PRPF39: variants seen among roughly 807,000 people sequenced by gnomAD.
The protein encoded by PRPF39 is pre-mRNA-processing factor 39.
A neutral mutation model predicts 82.1 loss-of-function variants in PRPF39; 27 were observed. That is an observed-to-expected ratio of 0.33 (90% CI 0.24 to 0.45). PRPF39 has a LOEUF of 0.45. PRPF39 is among the 20% of genes least tolerant of loss of function. The probability of loss-of-function intolerance (pLI) is 1.00; values close to 1 mark genes in which losing one functional copy is unlikely to be tolerated. For missense variants in PRPF39, 581 were observed against 796.9 expected (o/e 0.73, Z 3.26); for synonymous variants, 261 against 256.4 (o/e 1.02, Z -0.17).
Position 45,110,632 on chromosome 14 carries a change from A to G in PRPF39, c.1387A>G (p.Ser463Gly). The G allele has an allele frequency of 1.3e-6, 2 of 1,575,646 alleles. No homozygotes were observed. Among genetic ancestry groups the G allele is most frequent in the Non-Finnish European group, 8.6e-7 (1 of 1,159,154 alleles). ...GLAMVRLRRV[S>G]LERRHGNLEE... is the part of the protein sequence containing the mutation. The stretch of plus-strand genomic sequence containing the variant: ...GGCAATGGTTCGTTTACGAAGAGTA[A>G]GTTTAGAACGACGGCATGGAAATCT... Residue 463 changes from serine to glycine, a missense_variant, in exon 10 of 14, where the codon AGT becomes GGT. Coordinates refer to ENST00000355765, the MANE Select transcript of PRPF39 (RefSeq NM_017922.4). This position sits in a 1 kb window ranked among gnomAD's most constrained non-coding sequence, Gnocchi z 4.0.
At chr14:45,101,837 C>T (rs1312752302) in intron 4 of PRPF39, among the ~76,000 whole-genome samples, 4 of 147,810 alleles carry the variant, frequency 2.7e-5, no homozygotes, top group African/African-American at 5.0e-5. Context: ...GACAGAGTCG[C>T]GCTCTGTCGC....
At position 45,115,387 on chromosome 14, in the gene PRPF39, C is replaced by T. The variant is rs1331840882; in HGVS notation, c.*474C>T. The T allele has an allele frequency of 1.3e-5, 2 of 150,868 alleles. No individual in the cohort carries two copies. The highest frequency in any genetic ancestry group is 3.9e-4 in the East Asian group (2 of 5,140). 9.3% of individuals were successfully genotyped at this position (150,868 alleles called of 1,614,324 possible). A position where few individuals can be genotyped will look rare whatever the true frequency, so the allele number is the denominator to read the frequency against. On this transcript the variant is annotated 3_prime_UTR_variant, in exon 14 of 14. Coordinates refer to ENST00000355765, the MANE Select transcript of PRPF39 (RefSeq NM_017922.4). ...ATACTTGTGAATTGTGATCTAACTG[C>T]AGAAAGGATACATTATTAAAATACT...
chr14:45,105,146 C>G (rs563835323), intron 5 of PRPF39, among the ~76,000 whole-genome samples: 1 of 152,224 alleles, frequency 6.6e-6, no homozygotes, highest in East Asian at 1.9e-4. Context: ...CCAGTCTTTA[C>G]TGAATAAATG....
At position 45,110,040 on chromosome 14, in the gene PRPF39, T is replaced by G; in HGVS notation, c.1177-54T>G. The G allele has an allele frequency of 6.2e-7, 1 of 1,604,156 alleles. No individual in the cohort carries two copies. Among genetic ancestry groups the G allele is most frequent in the South Asian group, 1.1e-5 (1 of 89,872 alleles). ...AGAATTTTATCGTTCTGTCACAAAT[T>G]TAATGGCTTGTTCAACTGTAAATTA... On this transcript the variant is annotated intron_variant, in intron 8 of 13. Coordinates refer to ENST00000355765, the MANE Select transcript of PRPF39 (RefSeq NM_017922.4). The surrounding 1 kb of genome is among the most constrained non-coding windows in gnomAD (Gnocchi z 4.0).
rs760411640 is a variant in PRPF39, at chr14:45,095,202, T to G, written c.-19-19T>G. 6.9e-6 allele frequency: 10 copies of G among 1,458,826 alleles called. No individual in the cohort carries two copies. Among genetic ancestry groups the G allele is most frequent in the Non-Finnish European group, 7.5e-6 (8 of 1,073,196 alleles). 90.4% of individuals were successfully genotyped at this position (1,458,826 alleles called of 1,614,324 possible). A position where few individuals can be genotyped will look rare whatever the true frequency, so the allele number is the denominator to read the frequency against. On this transcript the variant is annotated intron_variant, in intron 1 of 13. Coordinates refer to ENST00000355765, the MANE Select transcript of PRPF39 (RefSeq NM_017922.4). ...ATTGGCATTTGGAAGATATTTCTCT[T>G]TTTTTCGTGTTTCCACAGATCGTTA...
chr14:45,087,368 G>A (rs983102889), intron 1 of PRPF39, among the ~76,000 whole-genome samples: 10 of 152,082 alleles, frequency 6.6e-5, no homozygotes, highest in Admixed American at 5.2e-4. Context: ...CAAAGTGCTG[G>A]GATTACAGGT....
chr14:45,103,074 A>T (rs1237842527), intron 5 of PRPF39, among the ~76,000 whole-genome samples: 1 of 152,094 alleles, frequency 6.6e-6, no homozygotes, highest in African/African-American at 2.4e-5. Context: ...ATTTTTTTTG[A>T]AACTTAATGA....
chr14:45,110,961 T>A lies in PRPF39; in HGVS notation c.1572+144T>A. On this transcript the variant is annotated intron_variant, in intron 10 of 13. Coordinates refer to ENST00000355765, the MANE Select transcript of PRPF39 (RefSeq NM_017922.4). The surrounding 1 kb of genome is among the most constrained non-coding windows in gnomAD (Gnocchi z 4.0). ...GAGGACAACAGTCCCTCTAAACTGA[T>A]GTTGCCATTTAAAAATTTTTTTCAA... The A allele has an allele frequency of 1.2e-6, 1 of 816,642 alleles. No individual in the cohort carries two copies. Among genetic ancestry groups the A allele is most frequent in the Non-Finnish European group, 1.8e-6 (1 of 543,982 alleles). 50.6% of individuals were successfully genotyped at this position (816,642 alleles called of 1,614,324 possible). A position where few individuals can be genotyped will look rare whatever the true frequency, so the allele number is the denominator to read the frequency against.
chr14:45,093,422 C>T (rs994698376), intron 1 of PRPF39, among the ~76,000 whole-genome samples: 1 of 151,886 alleles, frequency 6.6e-6, no homozygotes, highest in African/African-American at 2.4e-5. Flanking sequence ...TGGGGTTTCA[C>T]CATGTTGGAC....
chr14:45,087,273 A>T (rs1379093903), intron 1 of PRPF39, among the ~76,000 whole-genome samples: 3 of 151,592 alleles, frequency 2.0e-5, no homozygotes, highest in African/African-American at 7.3e-5. Flanking sequence ...TAATTTTTAA[A>T]TTTTTTTGTA....
chr14:45,107,412 TATG>T lies in PRPF39; in HGVS notation c.738-36_738-34del, dbSNP rs763221697. ...GGAATCTCAATATGAGATCTAAAATTATGATTCAAATACATATATTTTTATTGT... is the reference window on the plus strand; with the variant it reads ...GGAATCTCAATATGAGATCTAAAATTATTCAAATACATATATTTTTATTGT... On this transcript the variant is annotated intron_variant, in intron 5 of 13. Transcript: ENST00000355765. The T allele has an allele frequency of 2.8e-5, 40 of 1,412,458 alleles. 1 individual carries two copies. In the African/African-American group the frequency reaches 4.8e-4, roughly 17 times the overall value. The allele number at this position is 1,412,458 out of a possible 1,614,324, so 87.5% of individuals were successfully genotyped here.
chr14:45,096,234 T>G lies in PRPF39; in HGVS notation c.450+6T>G. The G allele has an allele frequency of 6.3e-7, 1 of 1,585,752 alleles. No homozygotes were observed. The highest frequency in any genetic ancestry group is 2.3e-5 in the East Asian group (1 of 43,904). On this transcript the variant is annotated splice_donor_region_variant and intron_variant, in intron 3 of 13. Transcript: ENST00000355765. ...ACATTAAACCATCAGATGAGGTGCG[T>G]ACATCACTGAATAAACTTATCTCCA...
At chr14:45,085,116 A>C (rs1261242204) in intron 1 of PRPF39, among the ~76,000 whole-genome samples, 1 of 152,192 alleles carries the variant, frequency 6.6e-6, no homozygotes, top group Non-Finnish European at 1.5e-5. Flanking sequence ...GGGACGTATG[A>C]AGCTCATGTT....
intron 1 of PRPF39, among the ~76,000 whole-genome samples, chr14:45,090,628 C>T (rs1317135573): frequency 6.6e-6 from 1 of 152,058 alleles, no homozygotes. Flanking sequence ...AATTATATTT[C>T]ATGTTTTCAT....
intron 2 of PRPF39, 52 bp downstream of exon 2, chr14:45,095,615 A>G: frequency 6.8e-7 from 1 of 1,473,250 alleles, no homozygotes; most frequent in South Asian, 1.4e-5. Flanking sequence ...CAAGTCATTA[A>G]TTTATAATGA....
intron 5 of PRPF39, among the ~76,000 whole-genome samples, chr14:45,103,928 A>G (rs886750149): frequency 1.3e-5 from 2 of 152,200 alleles, no homozygotes; most frequent in South Asian, 4.1e-4. Context: ...GGAAACACAC[A>G]TAGCATTTTC....
In PRPF39 at chr14:45,114,562, ATGG is replaced by A; in HGVS notation, c.1904_1906del (p.Gly635del). ...ACTTCATCATCTACACAGATGATTG[ATGG>A]TGATTTACAGGCAAACCAAGCTGTA... On this transcript the variant is annotated inframe_deletion, in exon 13 of 14. Coordinates refer to ENST00000355765, the MANE Select transcript of PRPF39 (RefSeq NM_017922.4). 6.2e-7 allele frequency: 1 copy of A among 1,609,020 alleles called. No homozygotes were observed. The highest frequency in any genetic ancestry group is 1.7e-5 in the Admixed American group (1 of 59,012).
At position 45,112,519 on chromosome 14, in the gene PRPF39, A is replaced by G; in HGVS notation, c.1757+17A>G. On this transcript the variant is annotated intron_variant, in intron 11 of 13. Transcript: ENST00000355765. ...TGTTAATAAGTAAGATATTAGTTAT[A>G]TTACCTATTTGAATGATAAATGAGC... The G allele has an allele frequency of 6.9e-7, 1 of 1,444,118 alleles. No homozygotes were observed. Among genetic ancestry groups the G allele is most frequent in the Non-Finnish European group, 9.1e-7 (1 of 1,100,730 alleles). The allele number at this position is 1,444,118 out of a possible 1,614,324, so 89.5% of individuals were successfully genotyped here.
rs773424367 is a variant in PRPF39 at position 45,110,162 on chromosome 14, A to G, written c.1245A>G (p.Ile415Met). ...VRHVFSRACT[I>M]HLPKKPMVHM... ...ATGTCTTCAGCAGAGCTTGTACTATACATCTCCCAAAGAAACCCATGGTGC... is the reference window on the plus strand; with the variant it reads ...ATGTCTTCAGCAGAGCTTGTACTATGCATCTCCCAAAGAAACCCATGGTGC... The change falls in exon 9 of 14, where the codon ATA (isoleucine) becomes ATG (methionine). Residue 415 changes from isoleucine (I) to methionine (M), a missense_variant. Ile to Met is a conservative substitution (Grantham distance 10). Transcript: ENST00000355765. The surrounding 1 kb of genome is among the most constrained non-coding windows in gnomAD (Gnocchi z 4.0). The G allele has an allele frequency of 6.2e-7, 1 of 1,613,738 alleles. No homozygotes were observed. The highest frequency in any genetic ancestry group is 8.5e-7 in the Non-Finnish European group (1 of 1,179,678).
Sources: allele counts gnomAD v4.1 joint callset (sites outside exome capture counted in the v4.1 genomes callset), GRCh38; gene constraint gnomAD v4.1.1; non-coding constraint Gnocchi (gnomAD v3.1); transcripts MANE v1.5; gene names NCBI Gene and HGNC (gene_info 2026-07-23, HGNC 2026-07-21).